The following WDFY3 variants were observed in gnomAD, a reference collection of about 807,000 sequenced individuals.
The protein encoded by WDFY3 is WD repeat and FYVE domain containing 3.
In WDFY3, 66 loss-of-function variants were observed where a neutral mutation model predicts 409.6. The ratio of observed to expected loss-of-function variants is 0.16; its 90% CI spans 0.13 to 0.20. The LOEUF (loss-of-function observed/expected upper bound fraction) is 0.20, where lower values mean the gene tolerates loss of function less well. Among genes scored for constraint, WDFY3 ranks in the 10% least tolerant of loss-of-function variants. WDFY3 has a pLI of 1.00. For synonymous variants in WDFY3, 1,521 were observed against 1,537.1 expected, an observed-to-expected ratio of 0.99 and a Z score of 0.25; for missense variants, 3,031 against 4,298.1, an observed-to-expected ratio of 0.71 and a Z score of 8.24.
At chr4:84,718,395 A>G (rs1202130858) in intron 48 of WDFY3, 27 bp downstream of exon 48, 1 of 1,604,836 alleles carries the variant, frequency 6.2e-7, no homozygotes, top group Admixed American at 1.7e-5. Context: ...ATAGCCATAC[A>G]TTATGTCTCT....
At chr4:84,689,826 T>C (rs1361752857) in intron 61 of WDFY3, among the ~76,000 whole-genome samples, 2 of 152,194 alleles carry the variant, frequency 1.3e-5, no homozygotes, top group Non-Finnish European at 2.9e-5. Context: ...GAAATAGAGG[T>C]GCTCAATAAT....
At chr4:84,835,256 G>T (rs1186114840) in intron 7 of WDFY3, among the ~76,000 whole-genome samples, 1 of 152,144 alleles carries the variant, frequency 6.6e-6, no homozygotes, top group Non-Finnish European at 1.5e-5. Flanking sequence ...TAAGGCATTA[G>T]TTCTTTAAAA....
intron 22 of WDFY3, among the ~76,000 whole-genome samples, chr4:84,789,301 G>A (rs967408177): frequency 1.3e-5 from 2 of 151,866 alleles, no homozygotes; most frequent in African/African-American, 2.4e-5. Flanking sequence ...ACTAATCTGG[G>A]TGATATGAAA....
At chr4:84,761,213 G>A (rs2149359477) in intron 32 of WDFY3, among the ~76,000 whole-genome samples, 1 of 152,280 alleles carries the variant, frequency 6.6e-6, no homozygotes, top group Non-Finnish European at 1.5e-5. Flanking sequence ...GCTGAGGACA[G>A]CTTTACTTCC....
At position 84,702,335 on chromosome 4, in the gene WDFY3, T is replaced by C; in HGVS notation, c.8596+18A>G. On this transcript the variant is annotated intron_variant, in intron 56 of 67. Coordinates refer to ENST00000295888, the MANE Select transcript of WDFY3 (RefSeq NM_014991.6). ...TTCCTGGCTAACATTCCTAAGACAGTGCCATAGCTCTACGTACCTAGATCA... is the reference window on the plus strand; with the variant it reads ...TTCCTGGCTAACATTCCTAAGACAGCGCCATAGCTCTACGTACCTAGATCA... The C allele has an allele frequency of 6.3e-7, 1 of 1,585,630 alleles. No individual in the cohort carries two copies. Among genetic ancestry groups the C allele is most frequent in the South Asian group, 1.2e-5 (1 of 85,820 alleles).
chr4:84,830,654 T>C (rs1755575958), intron 8 of WDFY3, among the ~76,000 whole-genome samples: 2 of 152,180 alleles, frequency 1.3e-5, no homozygotes, highest in South Asian at 2.1e-4. Context: ...ATATTACATA[T>C]ACTTTAAACC....
chr4:84,690,707 C>T (rs1463960699), intron 60 of WDFY3, 43 bp from the exon 61 acceptor site: 1 of 1,546,346 alleles, frequency 6.5e-7, no homozygotes, highest in Non-Finnish European at 8.7e-7. Flanking sequence ...CCGTTAAGTA[C>T]TATACAAACT....
intron 62 of WDFY3, among the ~76,000 whole-genome samples, chr4:84,685,456 T>C (rs959426163): frequency 5.9e-5 from 9 of 152,214 alleles, no homozygotes; most frequent in African/African-American, 2.2e-4. Flanking sequence ...TTGTGTCTGC[T>C]TCTGTATCAG....
intron 61 of WDFY3, among the ~76,000 whole-genome samples, chr4:84,689,464 T>C (rs1314894407): frequency 6.6e-6 from 1 of 152,212 alleles, no homozygotes; most frequent in Non-Finnish European, 1.5e-5. Context: ...ACTATTAACC[T>C]TGTAATCTGT....
chr4:84,939,690 A>T (rs1485959542), intron 1 of WDFY3, among the ~76,000 whole-genome samples: 1 of 152,078 alleles, frequency 6.6e-6, no homozygotes, highest in Non-Finnish European at 1.5e-5. Context: ...GCTAGCAGGA[A>T]TGCCAATAGG....
intron 3 of WDFY3, among the ~76,000 whole-genome samples, chr4:84,872,359 G>A (rs1191917561): frequency 4.6e-5 from 7 of 151,806 alleles, no homozygotes; most frequent in African/African-American, 1.5e-4. Context: ...CAGCTACTTG[G>A]GAGACTGAAG....
chr4:84,815,560 G>A (rs1482606685), intron 13 of WDFY3, among the ~76,000 whole-genome samples: 1 of 152,020 alleles, frequency 6.6e-6, no homozygotes, highest in East Asian at 1.9e-4. Context: ...CAGTTCCTAC[G>A]TCATTTTTAA....
At chr4:84,740,701 G>A (rs188469218) in intron 38 of WDFY3, among the ~76,000 whole-genome samples, 215 of 152,244 alleles carry the variant, frequency 1.4e-3, no homozygotes, top group East Asian at 5.8e-3. Flanking sequence ...CTGAGAACAC[G>A]AGGATGTGAC....
chr4:84,735,024 G>GA lies in WDFY3; in HGVS notation c.6993+18dup. ...CAAAAAATGTAAAACAAACCATTAT[G>GA]ATGATTATAAGTCCTTACCTCCTGA... On this transcript the variant is annotated intron_variant, in intron 43 of 67. Transcript: ENST00000295888. 2 of 1,596,290 alleles carry GA rather than the reference G, an allele frequency of 1.3e-6. No homozygotes were observed. The highest frequency in any genetic ancestry group is 1.7e-6 in the Non-Finnish European group (2 of 1,166,780).
rs576915321 is a variant in WDFY3 at position 84,865,460 on chromosome 4, TTCCCA to T, written c.-31-4843_-31-4839del. Among the ~76,000 whole-genome samples, 215 of 152,344 alleles carry T rather than the reference TTCCCA, an allele frequency of 1.4e-3. 1 individual carries two copies. Among genetic ancestry groups the T allele is most frequent in the African/African-American group, 5.0e-3 (206 of 41,586 alleles). The stretch of plus-strand genomic sequence containing the variant: ...ACCTGCTAAGTAAGTTTAGCCAGAA[TTCCCA>T]TCCTAATATCTGATTGGGTGGCCAA... On this transcript the variant is annotated intron_variant, in intron 3 of 67. Transcript: ENST00000295888.
chr4:84,773,897 T>A (rs1005242012), intron 29 of WDFY3, among the ~76,000 whole-genome samples: 2 of 152,098 alleles, frequency 1.3e-5, no homozygotes, highest in Non-Finnish European at 1.5e-5. Context: ...ATTGTTCCTA[T>A]TTTTAGTAGA....
intron 3 of WDFY3, among the ~76,000 whole-genome samples, chr4:84,884,652 C>G (rs1763952720): frequency 6.6e-6 from 1 of 152,084 alleles, no homozygotes; most frequent in East Asian, 1.9e-4. Flanking sequence ...GATCACGAAA[C>G]TTGAAAATTA....
At chr4:84,966,064 G>C (rs1200715203) in intron 1 of WDFY3, 145 bp downstream of exon 1, 2 of 152,174 alleles carry the variant, frequency 1.3e-5, no homozygotes, top group African/African-American at 4.8e-5. Context: ...GCTGGGCCGC[G>C]GCCTGTCCCT....
rs370170930 is a variant in WDFY3, at chr4:84,821,142, G to C, written c.1533C>G (p.Asn511Lys). 6.2e-7 allele frequency: 1 copy of C among 1,613,410 alleles called. No individual in the cohort carries two copies. ...REVGLLEVMVNLLHKYAALLK... is the reference protein window; with the variant it reads ...REVGLLEVMVKLLHKYAALLK... ...ACAGGGCAGCATATTTATGCAAAAG[G>C]TTTACCATGACCTCCAAAAGGCCAA... The change falls in exon 11 of 68, where the codon AAC becomes AAG. Residue 511 changes from asparagine (N) to lysine (K), a missense_variant. Physicochemically the swap from Asn to Lys is moderately conservative, Grantham distance 94. Around this residue, in one of 16 missense-constraint regions of WDFY3, gnomAD observed 1,322 missense variants for 1,697.9 expected, o/e 0.78. Coordinates refer to ENST00000295888, the MANE Select transcript of WDFY3 (RefSeq NM_014991.6).
Sources: allele counts gnomAD v4.1 joint callset (sites outside exome capture counted in the v4.1 genomes callset), GRCh38; gene constraint gnomAD v4.1.1; regional missense constraint gnomAD v4.1.1; transcripts MANE v1.5; gene names NCBI Gene and HGNC (gene_info 2026-07-23, HGNC 2026-07-21).